CHL1: variants seen among roughly 807,000 people sequenced by gnomAD.
The protein encoded by CHL1 is cell adhesion molecule L1 like.
Under a neutral mutation model 141.9 loss-of-function variants are expected in CHL1, and 96 were observed. That is an observed-to-expected ratio of 0.68 (90% CI 0.57 to 0.80). The LOEUF (loss-of-function observed/expected upper bound fraction) is 0.80. CHL1 is among the 30% of genes least tolerant of loss of function. CHL1 has a pLI of 0.00. For synonymous variants in CHL1, 613 were observed against 502.2 expected (o/e 1.22, Z -2.95); for missense variants, 1,820 against 1,457.2 (o/e 1.25, Z -4.05).
At chr3:401,962 A>G (rs535940041) in intron 27 of CHL1, among the ~76,000 whole-genome samples, 20 of 152,318 alleles carry the variant, frequency 1.3e-4, no homozygotes, top group African/African-American at 4.6e-4. Flanking sequence ...AACACAAAGA[A>G]TATCTATTTG....
At chr3:328,026 T>C in intron 4 of CHL1, 141 bp from the exon 5 acceptor site, 1 of 475,292 alleles carries the variant, frequency 2.1e-6, no homozygotes, top group South Asian at 7.2e-5. Flanking sequence ...AGACCCTTAT[T>C]TATATCCTGT....
intron 2 of CHL1, among the ~76,000 whole-genome samples, chr3:264,316 A>G (rs1196983793): frequency 6.6e-6 from 1 of 152,210 alleles, no homozygotes; most frequent in Non-Finnish European, 1.5e-5. Context: ...TTAAAGAAGA[A>G]TTTATAGATC....
chr3:202,803 T>C (rs1220393270), intron 1 of CHL1, among the ~76,000 whole-genome samples: 1 of 152,262 alleles, frequency 6.6e-6, no homozygotes, highest in Non-Finnish European at 1.5e-5. Flanking sequence ...TCTGAAGATC[T>C]CAAATGTGCT....
intron 9 of CHL1, among the ~76,000 whole-genome samples, chr3:347,892 T>C (rs1702899590): frequency 6.6e-6 from 1 of 152,144 alleles, no homozygotes; most frequent in East Asian, 1.9e-4. Flanking sequence ...GCACAGCACG[T>C]TAGTGTTTGA....
chr3:312,665 G>A (rs1003412597), intron 2 of CHL1, among the ~76,000 whole-genome samples: 3 of 152,064 alleles, frequency 2.0e-5, no homozygotes, highest in African/African-American at 7.2e-5. Flanking sequence ...TTTCATAAAG[G>A]GACACTTGAG....
intron 1 of CHL1, among the ~76,000 whole-genome samples, chr3:204,082 T>C (rs1699194637): frequency 6.6e-6 from 1 of 152,244 alleles, no homozygotes; most frequent in Non-Finnish European, 1.5e-5. Context: ...ATGCTCATAT[T>C]CAGTGGTGTG....
intron 1 of CHL1, among the ~76,000 whole-genome samples, chr3:201,140 T>A (rs534436897): frequency 8.5e-5 from 13 of 152,210 alleles, no homozygotes; most frequent in Admixed American, 2.0e-4. Flanking sequence ...GGAAGCTCAA[T>A]GAATGAGTTG....
At chr3:302,061 C>T (rs1179128837) in intron 2 of CHL1, among the ~76,000 whole-genome samples, 1 of 152,188 alleles carries the variant, frequency 6.6e-6, no homozygotes, top group Non-Finnish European at 1.5e-5. Flanking sequence ...ATCCATGTCC[C>T]TGCAAAGGAC....
At chr3:331,857 C>T (rs1701468313) in intron 5 of CHL1, among the ~76,000 whole-genome samples, 1 of 152,106 alleles carries the variant, frequency 6.6e-6, no homozygotes, top group African/African-American at 2.4e-5. Flanking sequence ...CAGAAACAGA[C>T]CTATTGTAAC....
At chr3:393,782 A>C (rs937507001) in intron 23 of CHL1, among the ~76,000 whole-genome samples, 1 of 152,312 alleles carries the variant, frequency 6.6e-6, no homozygotes, top group African/African-American at 2.4e-5. Context: ...AAATCTAAAA[A>C]AGTGATGATT....
At chr3:397,258 T>C (rs1232615194) in intron 24 of CHL1, among the ~76,000 whole-genome samples, 6 of 152,158 alleles carry the variant, frequency 3.9e-5, no homozygotes, top group African/African-American at 7.2e-5. Flanking sequence ...ACGCTTAATC[T>C]TGAAGGCTTT....
chr3:247,961 G>C (rs1447523905), intron 2 of CHL1: 2 of 151,856 alleles, frequency 1.3e-5, no homozygotes, highest in Non-Finnish European at 2.9e-5. Context: ...CCATGCCCTT[G>C]TCCCAGAATT....
In CHL1 at chr3:405,606, C is replaced by T. The variant is rs117983158; in HGVS notation, c.3570C>T (p.Leu1190=). 1,010 of 1,613,516 alleles carry T rather than the reference C, an allele frequency of 6.3e-4. 7 individuals carry two copies. The East Asian group carries it at 0.021, about 33-fold the overall frequency. ...AATACGGAGAGGGAGACCATGGTCTCTTCAGTGAAGATGGATCATTTATTG... is the reference window on the plus strand; with the variant it reads ...AATACGGAGAGGGAGACCATGGTCTTTTCAGTGAAGATGGATCATTTATTG... The part of the protein sequence containing the change: ...LVEYGEGDHG[L]FSEDGSFIGA... The change falls in exon 28 of 28, where the codon CTC becomes CTT. Residue 1190 remains leucine (L), a synonymous_variant. Coordinates refer to ENST00000256509, the MANE Select transcript of CHL1 (RefSeq NM_006614.4).
rs556908923 is a variant in CHL1 at position 285,139 on chromosome 3, C to T, written c.-94-34544C>T. On this transcript the variant is annotated intron_variant, in intron 2 of 27. Coordinates refer to ENST00000256509, the MANE Select transcript of CHL1 (RefSeq NM_006614.4). ...TAATTGAAATAATTAGAATAAGTTT[C>T]ATTATCACCTTTCACCTTTTATGCT... Among the ~76,000 whole-genome samples the T allele has an allele frequency of 7.1e-4, 108 of 152,310 alleles. 1 individual carries two copies. The highest frequency in any genetic ancestry group is 2.4e-3 in the African/African-American group (101 of 41,582).
intron 2 of CHL1, among the ~76,000 whole-genome samples, chr3:311,115 A>G (rs1699716252): frequency 6.6e-6 from 1 of 152,088 alleles, no homozygotes. Flanking sequence ...TTATTTATCC[A>G]TTTACCTACC....
intron 15 of CHL1, among the ~76,000 whole-genome samples, chr3:375,914 T>G (rs762454695): frequency 6.6e-6 from 1 of 152,158 alleles, no homozygotes; most frequent in Non-Finnish European, 1.5e-5. Flanking sequence ...ATTACTCAGC[T>G]GAACAGGGTA....
At chr3:233,889 G>T (rs978829513) in intron 1 of CHL1, among the ~76,000 whole-genome samples, 5 of 152,134 alleles carry the variant, frequency 3.3e-5, no homozygotes, top group African/African-American at 1.2e-4. Context: ...TCCATTGGTA[G>T]TTGGTGATAT....
Position 382,669 on chromosome 3 carries a change from C to G in CHL1, c.2174C>G (p.Ala725Gly). Residue 725 changes from alanine to glycine, a missense_variant and splice_region_variant, in exon 18 of 28, where the codon GCA becomes GGA. Transcript: ENST00000256509. ...TCAGACCATCATGAAACACCACCAGCAGGTATGCAGGTTCTCACATCAGGT... is the reference window on the plus strand; with the variant it reads ...TCAGACCATCATGAAACACCACCAGGAGGTATGCAGGTTCTCACATCAGGT... ...QPSDHHETPPAAPDRNPQNIR... is the reference protein window; with the variant it reads ...QPSDHHETPPGAPDRNPQNIR... The G allele has an allele frequency of 1.2e-6, 2 of 1,612,766 alleles. No homozygotes were observed. The highest frequency in any genetic ancestry group is 1.7e-6 in the Non-Finnish European group (2 of 1,179,022).
chr3:373,278 A>C (rs892343482), intron 15 of CHL1, among the ~76,000 whole-genome samples: 1 of 152,194 alleles, frequency 6.6e-6, no homozygotes, highest in African/African-American at 2.4e-5. Flanking sequence ...GGAGATCTGG[A>C]TTCTGTCCCT....
Sources: gnomAD v4.1 joint callset for allele counts (sites outside exome capture counted in the v4.1 genomes callset) on GRCh38, gnomAD v4.1.1 for gene constraint, MANE v1.5 for transcripts, NCBI Gene and HGNC (gene_info 2026-07-23, HGNC 2026-07-21) for gene names.